MOV10L1: variants seen among roughly 807,000 people sequenced by gnomAD.
MOV10L1 encodes RNA helicase Mov10l1.
Under a neutral mutation model 143.8 loss-of-function variants are expected in MOV10L1, and 110 were observed. That is an observed-to-expected ratio of 0.76 (90% confidence interval 0.66 to 0.90). The LOEUF (loss-of-function observed/expected upper bound fraction) is 0.90. Ranked by LOEUF, MOV10L1 falls within the 40% of genes least tolerant of loss-of-function variation. The pLI is 0.00. For missense variants in MOV10L1, 1,406 were observed against 1,526.8 expected (o/e 0.92, Z 1.32); for synonymous variants, 593 against 581.1 (o/e 1.02, Z -0.29).
At chr22:50,098,463 C>T (rs991909942) in intron 2 of MOV10L1, among the ~76,000 whole-genome samples, 3 of 152,136 alleles carry the variant, frequency 2.0e-5, no homozygotes, top group Non-Finnish European at 4.4e-5. Flanking sequence ...AGGAATTAAC[C>T]TATTAACCTA....
chr22:50,139,005 A>ATT (rs59141099), intron 15 of MOV10L1, among the ~76,000 whole-genome samples: 1 of 144,992 alleles, frequency 6.9e-6, no homozygotes. Flanking sequence ...CCAGGCCTGA[A>ATT]TTTTTTTTTT....
At chr22:50,149,784 C>G in intron 20 of MOV10L1, 70 bp downstream of exon 20, 1 of 1,414,140 alleles carries the variant, frequency 7.1e-7, no homozygotes, top group Admixed American at 2.0e-5. Context: ...AGGCTGCGAT[C>G]CTGCCGGGAA....
intron 5 of MOV10L1, among the ~76,000 whole-genome samples, chr22:50,110,078 G>C (rs1040129861): frequency 6.6e-6 from 1 of 151,604 alleles, no homozygotes; most frequent in African/African-American, 2.4e-5. Context: ...GAACCCAAGA[G>C]GCAGAGGTTG....
chr22:50,161,478 T>C lies in MOV10L1; in HGVS notation c.*29T>C, dbSNP rs766309816. On this transcript the variant is annotated 3_prime_UTR_variant, in exon 27 of 27. Transcript: ENST00000262794. ...GCAGTGGCTGACAGCAGGGAGGCCA[T>C]GTGCTCAGCCTGGCCACGTTGCCGT... 12 of 1,559,042 alleles carry C rather than the reference T, an allele frequency of 7.7e-6. No individual in the cohort carries two copies. The African/African-American group carries it at 1.2e-4, about 16-fold the overall frequency.
intron 13 of MOV10L1, among the ~76,000 whole-genome samples, chr22:50,133,468 A>AAAAG (rs1303115942): frequency 6.7e-6 from 1 of 149,692 alleles, no homozygotes; most frequent in Admixed American, 6.7e-5. Context: ...AAAAAAAAAA[A>AAAAG]AAAGAAAGAA....
rs568541311 is a variant in MOV10L1 at position 50,116,675 on chromosome 22, T to A, written c.1260-482T>A. On this transcript the variant is annotated intron_variant, in intron 8 of 26. Transcript: ENST00000262794. ...TAGATGCTTACTTTTTTTTTTTTTT[T>A]TTTTTTTTGAGACAGGGTCTCACTC... is the stretch of plus-strand genomic sequence containing the variant. 8.8e-5 allele frequency among the ~76,000 whole-genome samples: 13 copies of A among 147,162 alleles called. No homozygotes were observed. The East Asian group carries it at 1.8e-3, about 20-fold the overall frequency.
At chr22:50,140,567 T>C (rs189357664) in intron 15 of MOV10L1, among the ~76,000 whole-genome samples, 1 of 152,106 alleles carries the variant, frequency 6.6e-6, no homozygotes, top group Non-Finnish European at 1.5e-5. Context: ...CTGAAAAAAA[T>C]ATGTATCACA....
rs577794520 is a variant in MOV10L1, at chr22:50,108,873, G to A, written c.743+29G>A. On this transcript the variant is annotated intron_variant, in intron 5 of 26. Transcript: ENST00000262794. ...AGAAAATGCTTTTCTGGCCAGGTGCGGTGGCTAACGCCTGTAATCCTAGCA... is the reference window on the plus strand; with the variant it reads ...AGAAAATGCTTTTCTGGCCAGGTGCAGTGGCTAACGCCTGTAATCCTAGCA... 2.3e-5 allele frequency: 37 copies of A among 1,606,752 alleles called. 2 individuals are homozygous for A. Among genetic ancestry groups the A allele is most frequent in the Middle Eastern group, 1.7e-4 (1 of 5,736 alleles).
chr22:50,145,586 T>C, intron 18 of MOV10L1, 103 bp from the exon 19 acceptor site: 1 of 1,442,536 alleles, frequency 6.9e-7, no homozygotes, highest in Non-Finnish European at 9.5e-7. Flanking sequence ...CCTTAAATCA[T>C]GACTTAGACG....
intron 14 of MOV10L1, among the ~76,000 whole-genome samples, chr22:50,134,283 T>G (rs981259299): frequency 6.6e-6 from 1 of 152,100 alleles, no homozygotes. Context: ...GAAAATAAAT[T>G]TATCTTGCTC....
At chr22:50,090,862 AG>A (rs533006958) in intron 1 of MOV10L1, 4 of 282,192 alleles carry the variant, frequency 1.4e-5, no homozygotes, top group Non-Finnish European at 2.1e-5. Context: ...TTTTTAGTCG[AG>A]GGGGGGTTCG....
intron 3 of MOV10L1, among the ~76,000 whole-genome samples, chr22:50,107,220 G>A (rs972501229): frequency 6.6e-6 from 1 of 151,368 alleles, no homozygotes; most frequent in East Asian, 1.9e-4. Context: ...GACTACAGGC[G>A]CCTACCACCG....
intron 3 of MOV10L1, among the ~76,000 whole-genome samples, chr22:50,101,188 T>G (rs1251503151): frequency 6.6e-6 from 1 of 152,122 alleles, no homozygotes; most frequent in Non-Finnish European, 1.5e-5. Context: ...GTCTCACTCT[T>G]TTTCACCTTG....
Position 50,159,760 on chromosome 22 carries a change from A to C in MOV10L1, c.3299A>C (p.Glu1100Ala). The change falls in exon 24 of 27, where the codon GAG becomes GCG. Residue 1100 changes from glutamate to alanine, a missense_variant. By Grantham distance (107) the Glu-to-Ala change is moderately radical (BLOSUM62 -1). Transcript: ENST00000262794. The surrounding 1 kb of genome is among the most constrained non-coding windows in gnomAD (Gnocchi z 4.1). ...VGSVEEFQGQEYLVIIISTVR... is the reference protein window; with the variant it reads ...VGSVEEFQGQAYLVIIISTVR... ...TCAGTAGAGGAGTTTCAAGGACAAG[A>C]GTATCTGGTCATCATCATTTCGACC... 6.2e-7 allele frequency: 1 copy of C among 1,612,430 alleles called. No homozygotes were observed. The highest frequency in any genetic ancestry group is 8.5e-7 in the Non-Finnish European group (1 of 1,178,696).
chr22:50,090,690 G>C (rs75961653), intron 1 of MOV10L1: 6 of 801,050 alleles, frequency 7.5e-6, no homozygotes, highest in Non-Finnish European at 1.0e-5. Context: ...GTGTGTGTGT[G>C]TGTGAGACGG....
intron 10 of MOV10L1, among the ~76,000 whole-genome samples, chr22:50,122,788 TA>T (rs1429104764): frequency 5.6e-4 from 61 of 108,816 alleles, no homozygotes; most frequent in Non-Finnish European, 9.1e-4. Context: ...TTTATTTATT[TA>T]TTTATTTATT....
Position 50,142,106 on chromosome 22 carries a change from C to G in MOV10L1, c.2096C>G (p.Ala699Gly). 1.2e-6 allele frequency: 2 copies of G among 1,611,348 alleles called. No individual in the cohort carries two copies. Among genetic ancestry groups the G allele is most frequent in the Non-Finnish European group, 8.5e-7 (1 of 1,179,010 alleles). ...AATAGGAAAACAATGACGGACCAAGCTGAGCATGGAACAGAGGAGAGGCGT... is the reference window on the plus strand; with the variant it reads ...AATAGGAAAACAATGACGGACCAAGGTGAGCATGGAACAGAGGAGAGGCGT... ...KKNRKTMTDQ[A>G]EHGTEERRVG... Residue 699 changes from alanine (A) to glycine (G), a missense_variant, in exon 16 of 27, where the codon GCT becomes GGT. This residue lies in a region of MOV10L1 where 1,233 missense variants were observed against 1,351.4 expected (regional missense o/e 0.91). Coordinates refer to ENST00000262794, the MANE Select transcript of MOV10L1 (RefSeq NM_018995.3).
At position 50,161,001 on chromosome 22, in the gene MOV10L1, C is replaced by G; in HGVS notation, c.3500C>G (p.Thr1167Arg). 11 of 1,614,224 alleles carry G rather than the reference C, an allele frequency of 6.8e-6. No homozygotes were observed. Among genetic ancestry groups the G allele is most frequent in the East Asian group, 2.2e-5 (1 of 44,884 alleles). Residue 1167 changes from threonine (T) to arginine (R), a missense_variant, in exon 26 of 27, where the codon ACA becomes AGA. By Grantham distance (71) the Thr-to-Arg change is moderately conservative. Around this residue, in one of 3 missense-constraint regions of MOV10L1, gnomAD observed 1,233 missense variants for 1,351.4 expected, o/e 0.91. Transcript: ENST00000262794. ...CFGALLEYSITNGVYMGCDLP... is the reference protein window; with the variant it reads ...CFGALLEYSIRNGVYMGCDLP... ...GGTGCTTTGCTGGAATACAGTATTA[C>G]AAACGGTGTTTACATGGGATGCGAT...
At chr22:50,153,520 G>T (rs1289298795) in intron 22 of MOV10L1, among the ~76,000 whole-genome samples, 1 of 152,200 alleles carries the variant, frequency 6.6e-6, no homozygotes, top group Non-Finnish European at 1.5e-5. Flanking sequence ...AGGGCCTGGG[G>T]AAGCTCGCAG....
Sources: gnomAD v4.1 joint callset for allele counts (sites outside exome capture counted in the v4.1 genomes callset) on GRCh38, gnomAD v4.1.1 for gene constraint, gnomAD v4.1.1 regional missense constraint, Gnocchi (gnomAD v3.1) non-coding constraint, MANE v1.5 for transcripts, NCBI Gene and HGNC (gene_info 2026-07-23, HGNC 2026-07-21) for gene names.